The following MAST2 variants were observed in gnomAD, a reference collection of about 807,000 sequenced individuals.
MAST2 encodes the protein microtubule-associated serine/threonine-protein kinase 2.
In MAST2, 70 loss-of-function variants were observed where a neutral mutation model predicts 147.4. That is an observed-to-expected ratio of 0.47 (90% CI 0.39 to 0.58). MAST2 has a LOEUF of 0.58. MAST2 is among the 20% of genes least tolerant of loss of function. MAST2 has a pLI of 0.00. For missense variants in MAST2, 2,080 were observed against 2,302.3 expected (o/e 0.90, Z 1.98); for synonymous variants, 869 against 896.8 (o/e 0.97, Z 0.55).
At chr1:45,949,696 G>C (rs1254918534) in intron 4 of MAST2, among the ~76,000 whole-genome samples, 1 of 152,202 alleles carries the variant, frequency 6.6e-6, no homozygotes, top group Non-Finnish European at 1.5e-5. Flanking sequence ...AGTACCATTT[G>C]ACCCAGCAAT....
chr1:46,029,492 G>A lies in MAST2; in HGVS notation c.2245G>A (p.Glu749Lys), dbSNP rs1646549088. 2.5e-6 allele frequency: 4 copies of A among 1,614,070 alleles called. No homozygotes were observed. In the South Asian group the frequency reaches 4.4e-5, roughly 18 times the overall value. ...TGAGATTGTGTGGCCTGAGGGTGAT[G>A]AGGCACTGCCCCCAGACGCCCAGGA... ...SDEIVWPEGDEALPPDAQDLT... is the reference protein window; with the variant it reads ...SDEIVWPEGDKALPPDAQDLT... The change falls in exon 19 of 29, where the codon GAG (glutamate) becomes AAG (lysine). Residue 749 changes from glutamate to lysine, a missense_variant. Physicochemically the swap from Glu to Lys is moderately conservative, Grantham distance 56. Transcript: ENST00000361297.
Position 46,034,855 on chromosome 1 carries a change from C to G in MAST2, c.4186C>G (p.Pro1396Ala), listed in dbSNP as rs1646835001. 1.2e-6 allele frequency: 2 copies of G among 1,614,226 alleles called. No individual in the cohort carries two copies. Among genetic ancestry groups the G allele is most frequent in the Non-Finnish European group, 1.7e-6 (2 of 1,180,042 alleles). The change falls in exon 29 of 29, where the codon CCA becomes GCA. Residue 1396 changes from proline (P) to alanine (A), a missense_variant. This residue lies in a region of MAST2 where 1,278 missense variants were observed against 1,304.2 expected (regional missense o/e 0.98). Transcript: ENST00000361297. ...ACTCTCACGGCCCAAGAGTGCGGAGCCACCCCGTTCACCACTACTCAAGAG... is the reference window on the plus strand; with the variant it reads ...ACTCTCACGGCCCAAGAGTGCGGAGGCACCCCGTTCACCACTACTCAAGAG... The part of the protein sequence containing the change: ...RQLSRPKSAE[P>A]PRSPLLKRVQ...
intron 5 of MAST2, among the ~76,000 whole-genome samples, chr1:45,980,706 T>G (rs763780557): frequency 2.3e-4 from 35 of 152,144 alleles, no homozygotes; most frequent in Non-Finnish European, 3.4e-4. Context: ...AACTAATTTT[T>G]TAATTTTTTT....
chr1:46,018,457 CATT>C (rs551214938), intron 10 of MAST2, among the ~76,000 whole-genome samples: 83 of 152,250 alleles, frequency 5.5e-4, no homozygotes, highest in African/African-American at 1.9e-3. Flanking sequence ...TAAAGGGAAA[CATT>C]ATAAGAGTAA....
At chr1:46,034,399 G>A in intron 28 of MAST2, 133 bp downstream of exon 28, 3 of 1,339,630 alleles carry the variant, frequency 2.2e-6, no homozygotes, top group Non-Finnish European at 3.0e-6. Flanking sequence ...GTAGTCTTGG[G>A]GAGGAATTAA....
chr1:45,931,108 A>T (rs1429913948), intron 4 of MAST2, among the ~76,000 whole-genome samples: 1 of 152,216 alleles, frequency 6.6e-6, no homozygotes, highest in African/African-American at 2.4e-5. Flanking sequence ...ATATTTCACC[A>T]AATGTCCCAG....
intron 7 of MAST2, among the ~76,000 whole-genome samples, chr1:46,003,392 C>A (rs950596949): frequency 6.6e-6 from 1 of 152,100 alleles, no homozygotes; most frequent in African/African-American, 2.4e-5. Context: ...ACGTTTATTT[C>A]TTTTGGAGAA....
intron 4 of MAST2, among the ~76,000 whole-genome samples, chr1:45,910,610 T>C (rs1320967118): frequency 6.6e-6 from 1 of 152,220 alleles, no homozygotes; most frequent in Non-Finnish European, 1.5e-5. Context: ...GTGAGCTAAA[T>C]TATGAGTACC....
At chr1:45,821,139 A>G (rs913430546) in intron 1 of MAST2, among the ~76,000 whole-genome samples, 10 of 151,838 alleles carry the variant, frequency 6.6e-5, no homozygotes, top group African/African-American at 2.4e-4. Context: ...GGCTCAAGCA[A>G]TCTCCCTACC....
chr1:45,909,636 G>A (rs969667119), intron 4 of MAST2, among the ~76,000 whole-genome samples: 1 of 151,486 alleles, frequency 6.6e-6, no homozygotes, highest in Non-Finnish European at 1.5e-5. Context: ...TTCTACCTCA[G>A]CCTGCCAAGT....
intron 1 of MAST2, among the ~76,000 whole-genome samples, chr1:45,805,550 T>C (rs1644117328): frequency 6.6e-6 from 1 of 152,210 alleles, no homozygotes; most frequent in South Asian, 2.1e-4. Context: ...TCAAAACTTG[T>C]ACAATGAACT....
chr1:46,011,367 A>G (rs1222703226), intron 10 of MAST2, among the ~76,000 whole-genome samples: 1 of 152,150 alleles, frequency 6.6e-6, no homozygotes, highest in African/African-American at 2.4e-5. Context: ...AGGCTTGCAC[A>G]ATGGGTTTAG....
intron 3 of MAST2, among the ~76,000 whole-genome samples, chr1:45,858,062 G>A (rs891123609): frequency 4.7e-4 from 71 of 151,976 alleles, no homozygotes; most frequent in African/African-American, 1.6e-3. Context: ...GAATAGTGCC[G>A]CAATAAACAT....
At chr1:45,878,113 A>C (rs921040091) in intron 3 of MAST2, among the ~76,000 whole-genome samples, 6 of 151,826 alleles carry the variant, frequency 4.0e-5, no homozygotes, top group African/African-American at 1.5e-4. Context: ...CTGAGGCAGG[A>C]AAATCACTTG....
chr1:45,819,340 G>C (rs983649391), intron 1 of MAST2, among the ~76,000 whole-genome samples: 2 of 151,504 alleles, frequency 1.3e-5, no homozygotes, highest in Non-Finnish European at 2.9e-5. Context: ...TACCAACCTA[G>C]TAGTACTGGA....
intron 5 of MAST2, among the ~76,000 whole-genome samples, chr1:45,980,907 G>T (rs533211965): frequency 1.8e-4 from 27 of 152,050 alleles, no homozygotes; most frequent in Non-Finnish European, 3.7e-4. Context: ...CCATCCAATG[G>T]GTCCTCCTTG....
chr1:45,869,053 T>A (rs1319224422), intron 3 of MAST2, among the ~76,000 whole-genome samples: 3 of 152,222 alleles, frequency 2.0e-5, no homozygotes, highest in Non-Finnish European at 2.9e-5. Context: ...GTATTCCTAT[T>A]CTATGTTGCA....
chr1:45,885,098 A>T (rs1186139519), intron 4 of MAST2, among the ~76,000 whole-genome samples: 2 of 152,190 alleles, frequency 1.3e-5, no homozygotes, highest in Non-Finnish European at 2.9e-5. Context: ...TGTTAATAAA[A>T]TGAGTGACTT....
intron 5 of MAST2, among the ~76,000 whole-genome samples, chr1:45,979,698 G>A (rs1239951338): frequency 3.3e-5 from 5 of 152,128 alleles, no homozygotes; most frequent in Non-Finnish European, 2.9e-5. Flanking sequence ...TCCACTTTAT[G>A]ATGGCTTACA....
Sources: allele counts gnomAD v4.1 joint callset (sites outside exome capture counted in the v4.1 genomes callset), GRCh38; gene constraint gnomAD v4.1.1; regional missense constraint gnomAD v4.1.1; transcripts MANE v1.5; gene names NCBI Gene and HGNC (gene_info 2026-07-23, HGNC 2026-07-21).